The following FMNL2 variants were observed in gnomAD, a reference collection of about 807,000 sequenced individuals.
FMNL2 encodes the protein formin like 2.
FMNL2 carries 51 observed loss-of-function variants against 130.2 expected under a neutral mutation model. The observed-to-expected ratio is 0.39, with a 90% CI of 0.31 to 0.49. The LOEUF (loss-of-function observed/expected upper bound fraction) is 0.49. Ranked by LOEUF, FMNL2 falls within the 20% of genes least tolerant of loss-of-function variation. The pLI, the probability that FMNL2 is intolerant of heterozygous loss-of-function variation, is 0.85. For synonymous variants in FMNL2, 465 were observed against 467.1 expected, an observed-to-expected ratio of 1.00 and a Z score of 0.06; for missense variants, 977 against 1,316.2, an observed-to-expected ratio of 0.74 and a Z score of 3.99.
chr2:152,352,027 A>G (rs1682517929), intron 1 of FMNL2, among the ~76,000 whole-genome samples: 2 of 152,260 alleles, frequency 1.3e-5, no homozygotes, highest in South Asian at 2.1e-4. Flanking sequence ...AAGAGAAGCC[A>G]CAAAAGAAAA....
chr2:152,340,337 G>A (rs1681726615), intron 1 of FMNL2, among the ~76,000 whole-genome samples: 1 of 152,210 alleles, frequency 6.6e-6, no homozygotes, highest in South Asian at 2.1e-4. Flanking sequence ...AAGAAAAAAA[G>A]GGCCTGCGAC....
intron 6 of FMNL2, among the ~76,000 whole-genome samples, chr2:152,570,519 C>A (rs1447206645): frequency 2.6e-5 from 4 of 152,170 alleles, no homozygotes; most frequent in Admixed American, 6.5e-5. Flanking sequence ...GTACAAGCAT[C>A]CAGGGCCCCA....
intron 2 of FMNL2, among the ~76,000 whole-genome samples, chr2:152,522,540 T>C (rs1171643275): frequency 1.3e-5 from 2 of 152,102 alleles, no homozygotes; most frequent in Admixed American, 1.3e-4. Flanking sequence ...AGGAACCCGG[T>C]GGGAGGTAAT....
At chr2:152,394,100 T>A (rs1183636436) in intron 1 of FMNL2, among the ~76,000 whole-genome samples, 1 of 152,198 alleles carries the variant, frequency 6.6e-6, no homozygotes, top group Non-Finnish European at 1.5e-5. Context: ...CTCACTTCCT[T>A]TTTTAGATAA....
At chr2:152,428,460 A>G (rs1687304664) in intron 1 of FMNL2, among the ~76,000 whole-genome samples, 1 of 152,220 alleles carries the variant, frequency 6.6e-6, no homozygotes, top group Non-Finnish European at 1.5e-5. Flanking sequence ...TGTTGCCTGC[A>G]GTATTTTTCT....
chr2:152,506,388 A>G (rs1448374588), intron 1 of FMNL2, among the ~76,000 whole-genome samples: 6 of 152,186 alleles, frequency 3.9e-5, no homozygotes, highest in African/African-American at 9.7e-5. Flanking sequence ...AAACCTATGC[A>G]TATCCTCCCT....
intron 20 of FMNL2, among the ~76,000 whole-genome samples, chr2:152,630,687 G>C (rs1398685594): frequency 6.6e-6 from 1 of 152,194 alleles, no homozygotes; most frequent in East Asian, 1.9e-4. Flanking sequence ...ATCATGATCA[G>C]TTAAGCATGT....
intron 1 of FMNL2, among the ~76,000 whole-genome samples, chr2:152,355,602 T>C (rs1682736974): frequency 6.6e-6 from 1 of 152,174 alleles, no homozygotes; most frequent in Non-Finnish European, 1.5e-5. Flanking sequence ...ATATGCAGGG[T>C]GCATCTAGAA....
At chr2:152,389,060 T>TA (rs202185967) in intron 1 of FMNL2, among the ~76,000 whole-genome samples, 1 of 152,010 alleles carries the variant, frequency 6.6e-6, no homozygotes, top group Non-Finnish European at 1.5e-5. Flanking sequence ...AAATGCTGTT[T>TA]TTCAATTTGG....
chr2:152,411,781 C>T (rs1686303212), intron 1 of FMNL2, among the ~76,000 whole-genome samples: 1 of 152,152 alleles, frequency 6.6e-6, no homozygotes, highest in East Asian at 1.9e-4. Flanking sequence ...CCCATGTGGC[C>T]AGACTTCTGG....
intron 1 of FMNL2, among the ~76,000 whole-genome samples, chr2:152,369,597 T>C (rs1035972352): frequency 1.3e-5 from 2 of 152,232 alleles, no homozygotes; most frequent in Non-Finnish European, 2.9e-5. Context: ...GTGCACTTAC[T>C]GCGTGCCGAT....
At chr2:152,425,171 GT>G (rs1687136991) in intron 1 of FMNL2, among the ~76,000 whole-genome samples, 1 of 152,182 alleles carries the variant, frequency 6.6e-6, no homozygotes. Context: ...GAGCAGTCCA[GT>G]TTTCTGGGTT....
intron 1 of FMNL2, among the ~76,000 whole-genome samples, chr2:152,448,658 A>G (rs1688480208): frequency 6.6e-6 from 1 of 152,252 alleles, no homozygotes; most frequent in Non-Finnish European, 1.5e-5. Flanking sequence ...GCACTCATCA[A>G]AGCATTTGTT....
At chr2:152,553,913 G>A (rs1695071305) in intron 4 of FMNL2, among the ~76,000 whole-genome samples, 1 of 152,194 alleles carries the variant, frequency 6.6e-6, no homozygotes, top group African/African-American at 2.4e-5. Context: ...TCAATTTGTC[G>A]TGATCTGTTT....
chr2:152,629,595 A>G (rs1682030892), intron 18 of FMNL2, 61 bp from the exon 19 acceptor site: 3 of 1,464,916 alleles, frequency 2.0e-6, no homozygotes, highest in Non-Finnish European at 2.8e-6. Flanking sequence ...TTACTTGCCA[A>G]TTAGTTTCCC....
intron 1 of FMNL2, among the ~76,000 whole-genome samples, chr2:152,435,351 G>A (rs1370699520): frequency 6.6e-6 from 1 of 152,144 alleles, no homozygotes; most frequent in Non-Finnish European, 1.5e-5. Flanking sequence ...GACAGATTAT[G>A]TAAAAATCAT....
At chr2:152,647,562 T>C (rs1419372727) in intron 25 of FMNL2, among the ~76,000 whole-genome samples, 5 of 152,238 alleles carry the variant, frequency 3.3e-5, no homozygotes, top group African/African-American at 1.2e-4. Flanking sequence ...ATAATCTATG[T>C]ATTTTTCTCT....
At chr2:152,371,668 CA>C (rs71394476) in intron 1 of FMNL2, among the ~76,000 whole-genome samples, 1,553 of 66,216 alleles carry the variant, frequency 0.023, 14 homozygotes, top group African/African-American at 0.082. Flanking sequence ...GACTCTGTCT[CA>C]AAAAAAAAAA....
At chr2:152,478,512 A>G (rs915902358) in intron 1 of FMNL2, among the ~76,000 whole-genome samples, 1 of 152,062 alleles carries the variant, frequency 6.6e-6, no homozygotes, top group African/African-American at 2.4e-5. Flanking sequence ...CTGGGATTAT[A>G]GGTGTGAGCT....
Sources: gnomAD v4.1 joint callset for allele counts (sites outside exome capture counted in the v4.1 genomes callset) on GRCh38, gnomAD v4.1.1 for gene constraint, MANE v1.5 for transcripts, NCBI Gene and HGNC (gene_info 2026-07-23, HGNC 2026-07-21) for gene names.